Variants in EZH2 observed in about 807,000 individuals in gnomAD.
EZH2 encodes enhancer of zeste 2 polycomb repressive complex 2 subunit.
Under a neutral mutation model 98.4 loss-of-function variants are expected in EZH2, and 18 were observed. The ratio of observed to expected loss-of-function variants is 0.18; its 90% confidence interval spans 0.13 to 0.27. The LOEUF is 0.27. Among genes scored for constraint, EZH2 ranks in the 10% least tolerant of loss-of-function variants. The pLI, the probability that EZH2 is intolerant of heterozygous loss-of-function variation, is 1.00. For missense variants in EZH2, 470 were observed against 935.1 expected, an observed-to-expected ratio of 0.50 and a Z score of 6.49; for synonymous variants, 338 against 312.3, an observed-to-expected ratio of 1.08 and a Z score of -0.87.
chr7:148,828,998 T>C, intron 5 of EZH2, 118 bp from the exon 6 acceptor site: 1 of 1,010,972 alleles, frequency 9.9e-7, no homozygotes, highest in Non-Finnish European at 1.4e-6. Context: ...AAAACATTAT[T>C]ATTGAAATGA....
At position 148,828,621 on chromosome 7, in the gene EZH2, T is replaced by A. The variant is rs549621600; in HGVS notation, c.625+119A>T. ...TTAATTTTGATTATACTGCTATCAA[T>A]GTGATATTTAACAAAGAAAGAAAAA... On this transcript the variant is annotated intron_variant, in intron 6 of 19. Transcript: ENST00000320356. 34 of 1,260,390 alleles carry A rather than the reference T, an allele frequency of 2.7e-5. No homozygotes were observed. In the East Asian group the frequency reaches 6.3e-4, roughly 23 times the overall value. 78.1% of individuals were successfully genotyped at this position (1,260,390 alleles called of 1,614,324 possible).
chr7:148,808,360 C>T (rs1055779677), intron 19 of EZH2, among the ~76,000 whole-genome samples: 1 of 152,232 alleles, frequency 6.6e-6, no homozygotes, highest in Non-Finnish European at 1.5e-5. Context: ...AAAGGCCAGC[C>T]TGAATATGCA....
intron 3 of EZH2, among the ~76,000 whole-genome samples, chr7:148,834,559 C>T (rs563996015): frequency 2.8e-4 from 42 of 152,212 alleles, no homozygotes; most frequent in African/African-American, 8.9e-4. Context: ...AAAATAATTC[C>T]TTCCTTAGTG....
At chr7:148,810,893 T>C (rs1231217893) in intron 16 of EZH2, among the ~76,000 whole-genome samples, 3 of 105,662 alleles carry the variant, frequency 2.8e-5, no homozygotes, top group Non-Finnish European at 3.5e-5. Context: ...CGAAACTCTG[T>C]CTCAAAAAAA....
intron 1 of EZH2, among the ~76,000 whole-genome samples, chr7:148,870,848 GA>G (rs1175313708): frequency 6.6e-6 from 1 of 151,674 alleles, no homozygotes; most frequent in Non-Finnish European, 1.5e-5. Flanking sequence ...AGAATCACTT[GA>G]ACCCAGGAGG....
At chr7:148,879,093 T>C (rs1820578755) in intron 1 of EZH2, among the ~76,000 whole-genome samples, 1 of 147,936 alleles carries the variant, frequency 6.8e-6, no homozygotes, top group African/African-American at 2.5e-5. Context: ...GGTGTGGTGG[T>C]GCGTTCCCGT....
intron 1 of EZH2, among the ~76,000 whole-genome samples, chr7:148,882,984 A>T (rs936496255): frequency 2.0e-5 from 3 of 152,240 alleles, no homozygotes; most frequent in South Asian, 4.1e-4. Context: ...CTAACCGTAT[A>T]ATCTAAACAC....
At chr7:148,882,281 A>C (rs576215233) in intron 1 of EZH2, among the ~76,000 whole-genome samples, 1 of 152,324 alleles carries the variant, frequency 6.6e-6, no homozygotes, top group South Asian at 2.1e-4. Flanking sequence ...GATCTTTATC[A>C]TATAGGACAG....
intron 15 of EZH2, among the ~76,000 whole-genome samples, 187 bp downstream of exon 15, chr7:148,813,772 T>C (rs899538686): frequency 7.2e-5 from 11 of 152,194 alleles, no homozygotes; most frequent in Non-Finnish European, 4.4e-5. Context: ...TGGTGCTCTA[T>C]ATAAAACTGA....
At chr7:148,881,924 GCT>G (rs1257732524) in intron 1 of EZH2, among the ~76,000 whole-genome samples, 3 of 139,658 alleles carry the variant, frequency 2.1e-5, no homozygotes, top group East Asian at 4.2e-4. Flanking sequence ...ACAGAGCAAG[GCT>G]CTGTCTCAAA....
chr7:148,810,896 C>CAAAAA (rs924758768), intron 16 of EZH2, among the ~76,000 whole-genome samples: 25 of 43,658 alleles, frequency 5.7e-4, no homozygotes, highest in African/African-American at 2.0e-3. Flanking sequence ...AACTCTGTCT[C>CAAAAA]AAAAAAAAAA....
intron 1 of EZH2, among the ~76,000 whole-genome samples, chr7:148,871,025 TTGAG>T (rs1245613202): frequency 1.1e-4 from 16 of 152,146 alleles, no homozygotes; most frequent in African/African-American, 3.9e-4. Context: ...ATGCATGGTA[TTGAG>T]TTTTACATAA....
chr7:148,843,208 CAAAAAAAAAA>C (rs35317881), intron 3 of EZH2, among the ~76,000 whole-genome samples: 3 of 76,000 alleles, frequency 3.9e-5, no homozygotes, highest in African/African-American at 9.3e-5. Flanking sequence ...AACTCCGTCT[CAAAAAAAAAA>C]AAAAAAAAAA....
chr7:148,811,780 A>T, intron 15 of EZH2, 60 bp from the exon 16 acceptor site: 1 of 1,399,508 alleles, frequency 7.1e-7, no homozygotes. Context: ...ACTGGGGACA[A>T]AGTAGACTAC....
rs571053043 is a variant in EZH2 at position 148,856,447 on chromosome 7, G to A, written c.-7-9142C>T. Reference sequence around the variant, plus strand: ...TAGGTATGTATGCACATGCAGGTTAGCTGAAATACCTGCATTTCCAGGGTC... The same window carrying A: ...TAGGTATGTATGCACATGCAGGTTAACTGAAATACCTGCATTTCCAGGGTC... On this transcript the variant is annotated intron_variant, in intron 1 of 19. Coordinates refer to ENST00000320356, the MANE Select transcript of EZH2 (RefSeq NM_004456.5). Among the ~76,000 whole-genome samples the A allele has an allele frequency of 1.2e-4, 18 of 152,312 alleles. No homozygotes were observed. In the Middle Eastern group the frequency reaches 0.01, roughly 86 times the overall value.
At chr7:148,828,718 G>A (rs779787507) in intron 6 of EZH2, 22 bp downstream of exon 6, 318 of 1,607,504 alleles carry the variant, frequency 2.0e-4, no homozygotes, top group Non-Finnish European at 2.5e-4. Context: ...TGGCTACACA[G>A]AATCCTAATA....
chr7:148,813,618 A>C (rs1803779776), intron 15 of EZH2, among the ~76,000 whole-genome samples: 1 of 151,188 alleles, frequency 6.6e-6, no homozygotes, highest in Non-Finnish European at 1.5e-5. Flanking sequence ...ATTTATTTGC[A>C]TTAAGGATAC....
chr7:148,878,965 C>T (rs1321126853), intron 1 of EZH2, among the ~76,000 whole-genome samples: 1 of 152,032 alleles, frequency 6.6e-6, no homozygotes, highest in Non-Finnish European at 1.5e-5. Flanking sequence ...TAGCTCACGC[C>T]TGTAATCCCA....
At chr7:148,846,410 G>A (rs1300864179) in intron 3 of EZH2, 60 bp downstream of exon 3, 42 of 1,554,958 alleles carry the variant, frequency 2.7e-5, no homozygotes, top group Non-Finnish European at 3.6e-5. Context: ...CCAAACAAAT[G>A]TTCCAATAGC....
Sources: gnomAD v4.1 joint callset for allele counts (sites outside exome capture counted in the v4.1 genomes callset) on GRCh38, gnomAD v4.1.1 for gene constraint, MANE v1.5 for transcripts, NCBI Gene and HGNC (gene_info 2026-07-23, HGNC 2026-07-21) for gene names.